The following GPA33 variants were observed in gnomAD, a reference collection of about 807,000 sequenced individuals.
GPA33 encodes cell surface A33 antigen.
Under a neutral mutation model 35.6 loss-of-function variants are expected in GPA33, and 27 were observed. That is an observed-to-expected ratio of 0.76 (90% confidence interval 0.56 to 1.04). The LOEUF is 1.04. Ranked by LOEUF, GPA33 falls within the 50% of genes least tolerant of loss-of-function variation. The pLI, the probability that GPA33 is intolerant of heterozygous loss-of-function variation, is 0.00. For synonymous variants in GPA33, 176 were observed against 164.0 expected (o/e 1.07, Z -0.56); for missense variants, 428 against 411.9 (o/e 1.04, Z -0.34).
intron 1 of GPA33, 105 bp from the exon 2 acceptor site, chr1:167,073,644 A>T (rs1571314745): frequency 2.1e-6 from 2 of 975,408 alleles, no homozygotes; most frequent in Non-Finnish European, 3.0e-6. Flanking sequence ...CTGTTCTTGC[A>T]CCTCCAGCCA....
chr1:167,083,761 A>C (rs1667000008), intron 1 of GPA33, among the ~76,000 whole-genome samples: 1 of 152,134 alleles, frequency 6.6e-6, no homozygotes, highest in Non-Finnish European at 1.5e-5. Context: ...GAAGGGCATC[A>C]TGCAGAGGTC....
chr1:167,075,502 G>A (rs144622898), intron 1 of GPA33, among the ~76,000 whole-genome samples: 162 of 152,312 alleles, frequency 1.1e-3, no homozygotes, highest in African/African-American at 3.6e-3. Context: ...TGGAGTTGTC[G>A]TTTACTGAAA....
rs200952830 is a variant in GPA33, at chr1:167,055,101, G to A, written c.702C>T (p.Asn234=). The change falls in exon 6 of 7, where the codon AAC becomes AAT. Residue 234 remains asparagine (N), a synonymous_variant. Transcript: ENST00000367868. The part of the protein sequence containing the change: ...ITVAVRSPSM[N]VALYVGIAVG... ...CCGCGATGCCCACATACAGGGCCAC[G>A]TTCATGGAGGCTGCAAGAGGACAGA... The A allele has an allele frequency of 5.0e-5, 81 of 1,612,748 alleles. 2 individuals are homozygous for A. The highest frequency in any genetic ancestry group is 4.1e-4 in the South Asian group (37 of 91,044).
intron 4 of GPA33, among the ~76,000 whole-genome samples, chr1:167,056,693 G>GTGAT (rs1558001853): frequency 2.2e-3 from 6 of 2,774 alleles, no homozygotes; most frequent in East Asian, 0.015. Flanking sequence ...GTGTGTGGTG[G>GTGAT]GTGTGTGGTG....
At chr1:167,060,306 C>A (rs1347920776) in intron 4 of GPA33, among the ~76,000 whole-genome samples, 1 of 152,270 alleles carries the variant, frequency 6.6e-6, no homozygotes, top group East Asian at 1.9e-4. Context: ...CTCCTGTACT[C>A]AAGCGATCCA....
chr1:167,083,720 A>G (rs1413165328), intron 1 of GPA33, among the ~76,000 whole-genome samples: 1 of 152,138 alleles, frequency 6.6e-6, no homozygotes, highest in African/African-American at 2.4e-5. Context: ...GCAGGAGTGA[A>G]CCTTGAGAAA....
intron 1 of GPA33, among the ~76,000 whole-genome samples, chr1:167,077,028 A>C (rs1454147565): frequency 6.6e-6 from 1 of 152,114 alleles, no homozygotes; most frequent in East Asian, 1.9e-4. Flanking sequence ...CAACATGGTA[A>C]AACCCTGCCT....
intron 4 of GPA33, among the ~76,000 whole-genome samples, chr1:167,060,301 G>A (rs1666407975): frequency 6.6e-6 from 1 of 152,136 alleles, no homozygotes; most frequent in Non-Finnish European, 1.5e-5. Context: ...TCGAACTCCT[G>A]TACTCAAGCG....
intron 2 of GPA33, among the ~76,000 whole-genome samples, chr1:167,071,680 T>C (rs1359339411): frequency 6.6e-6 from 1 of 152,162 alleles, no homozygotes; most frequent in Non-Finnish European, 1.5e-5. Context: ...TCTGCTCTTT[T>C]CTGATGCTGA....
At chr1:167,086,053 T>G (rs969570502) in intron 1 of GPA33, among the ~76,000 whole-genome samples, 1 of 152,196 alleles carries the variant, frequency 6.6e-6, no homozygotes, top group African/African-American at 2.4e-5. Flanking sequence ...CACCTAACCT[T>G]CTTAGACCGA....
chr1:167,089,088 C>T (rs1396192494), intron 1 of GPA33, among the ~76,000 whole-genome samples: 1 of 152,232 alleles, frequency 6.6e-6, no homozygotes, highest in South Asian at 2.1e-4. Flanking sequence ...GTCAGATGAA[C>T]TTGAGCCAGC....
At chr1:167,056,808 TGTATGTGG>T (rs1666305490) in intron 4 of GPA33, among the ~76,000 whole-genome samples, 3 of 2,346 alleles carry the variant, frequency 1.3e-3, no homozygotes, top group South Asian at 0.019. Flanking sequence ...TGGTGTGGTG[TGTATGTGG>T]CAGCGTTTGT....
chr1:167,055,054 A>G lies in GPA33; in HGVS notation c.749T>C (p.Ile250Thr). The change falls in exon 6 of 7, where the codon ATT (isoleucine) becomes ACT (threonine). Residue 250 changes from isoleucine to threonine, a missense_variant. Ile to Thr is a moderately conservative substitution (Grantham distance 89). Transcript: ENST00000367868. ...GIAVGVVAAL[I>T]IIGIIIYCCC... is the part of the protein sequence containing the mutation. ...GCAGTAGATGATGATGCCAATGATA[A>G]TGAGGGCTGCAACCACGCCCACCGC... The G allele has an allele frequency of 6.2e-7, 1 of 1,613,584 alleles. No homozygotes were observed. The highest frequency in any genetic ancestry group is 8.5e-7 in the Non-Finnish European group (1 of 1,179,898).
rs181971928 is a variant in GPA33, at chr1:167,061,783, T to C, written c.571+1799A>G. Among the ~76,000 whole-genome samples, 110 of 152,150 alleles carry C rather than the reference T, an allele frequency of 7.2e-4. 1 individual carries two copies. Among genetic ancestry groups the C allele is most frequent in the Admixed American group, 1.5e-3 (23 of 15,296 alleles). ...ACGTCCGGCTAATTTTTTGTATTTT[T>C]AGTAGAGACGGGGTTTCACCGTGTT... On this transcript the variant is annotated intron_variant, in intron 4 of 6. Coordinates refer to ENST00000367868, the MANE Select transcript of GPA33 (RefSeq NM_005814.3).
rs1022964715 is a variant in GPA33, at chr1:167,090,248, C to A, written c.40G>T (p.Ala14Ser). ...KMWPVLWTLC[A>S]VRVTVDAISV... ...GAGAGAAAAGGGGCCTACTCACCTG[C>A]ACAGAGTGTCCACAACACAGGCCAC... Residue 14 changes from alanine (A) to serine (S), a missense_variant, in exon 1 of 7, where the codon GCA (alanine) becomes TCA (serine). Physicochemically the swap from Ala to Ser is moderately conservative, Grantham distance 99. Coordinates refer to ENST00000367868, the MANE Select transcript of GPA33 (RefSeq NM_005814.3). 1 of 1,612,610 alleles carries A rather than the reference C, an allele frequency of 6.2e-7. No homozygotes were observed. Among genetic ancestry groups the A allele is most frequent in the African/African-American group, 1.3e-5 (1 of 74,890 alleles).
chr1:167,061,996 G>A (rs944514722), intron 4 of GPA33, among the ~76,000 whole-genome samples: 6 of 151,738 alleles, frequency 4.0e-5, no homozygotes, highest in Admixed American at 2.0e-4. Context: ...TTCTTCCCCC[G>A]GGTCCTCATC....
rs530120069 is a variant in GPA33, at chr1:167,065,075, G to A, written c.416-1338C>T. Among the ~76,000 whole-genome samples, 3 of 152,314 alleles carry A rather than the reference G, an allele frequency of 2.0e-5. No homozygotes were observed. The South Asian group carries it at 6.2e-4, about 32-fold the overall frequency. ...TGTCAAGATACCATTGTGGAGCTGG[G>A]TTCATTCTACAAACCTCACTGGGTG... On this transcript the variant is annotated intron_variant, in intron 3 of 6. Transcript: ENST00000367868.
chr1:167,063,603 C>T lies in GPA33; in HGVS notation c.550G>A (p.Glu184Lys). 1.2e-6 allele frequency: 2 copies of T among 1,610,520 alleles called. No homozygotes were observed. Among genetic ancestry groups the T allele is most frequent in the South Asian group, 1.1e-5 (1 of 90,852 alleles). The stretch of plus-strand genomic sequence containing the variant: ...TTACCTGGCTGGGCCAGGGGCTGCT[C>T]CTGATTCAGGATGTTGTACCTCTTC... ...SWKRYNILNQEQPLAQPASGQ... is the reference protein window; with the variant it reads ...SWKRYNILNQKQPLAQPASGQ... The change falls in exon 4 of 7, where the codon GAG becomes AAG. Residue 184 changes from glutamate (E) to lysine (K), a missense_variant. Glu to Lys is a moderately conservative substitution (Grantham distance 56). Coordinates refer to ENST00000367868, the MANE Select transcript of GPA33 (RefSeq NM_005814.3).
chr1:167,054,817 T>G (rs755419909), intron 6 of GPA33, among the ~76,000 whole-genome samples, 159 bp downstream of exon 6: 6 of 152,096 alleles, frequency 3.9e-5, no homozygotes, highest in Non-Finnish European at 8.8e-5. Context: ...GGGGCTGCAA[T>G]GCACATTTTA....
Sources: allele counts gnomAD v4.1 joint callset (sites outside exome capture counted in the v4.1 genomes callset), GRCh38; gene constraint gnomAD v4.1.1; transcripts MANE v1.5; gene names NCBI Gene and HGNC (gene_info 2026-07-23, HGNC 2026-07-21).